LHPP: variants seen among roughly 807,000 people sequenced by gnomAD.
LHPP encodes the protein hLHPP.
Under a neutral mutation model 30.3 loss-of-function variants are expected in LHPP, and 24 were observed. The ratio of observed to expected loss-of-function variants is 0.79; its 90% CI spans 0.57 to 1.11. The LOEUF (loss-of-function observed/expected upper bound fraction) is 1.11. Ranked by LOEUF, LHPP falls within the 50% of genes most tolerant of loss-of-function variation. The pLI is 0.00. For synonymous variants in LHPP, 150 were observed against 157.1 expected, an observed-to-expected ratio of 0.95 and a Z score of 0.34; for missense variants, 356 against 367.2, an observed-to-expected ratio of 0.97 and a Z score of 0.25.
In LHPP at chr10:124,488,089, T is replaced by C. The variant is rs534191476; in HGVS notation, c.314-333T>C. On this transcript the variant is annotated intron_variant, in intron 2 of 6. Transcript: ENST00000368842. ...CCTGCTGCAGGCTCTCAGTGTCTTC[T>C]GAGCAGATTTCCCTTCTCAGTAGCA... Among the ~76,000 whole-genome samples, 47 of 152,294 alleles carry C rather than the reference T, an allele frequency of 3.1e-4. 1 individual carries two copies. The highest frequency in any genetic ancestry group is 6.8e-3 in the Middle Eastern group (2 of 294).
intron 6 of LHPP, among the ~76,000 whole-genome samples, chr10:124,603,927 A>G (rs1949060771): frequency 6.6e-6 from 1 of 152,186 alleles, no homozygotes; most frequent in African/African-American, 2.4e-5. Flanking sequence ...TCCCCCAGGC[A>G]GCTGCTAAGG....
chr10:124,557,689 C>T (rs1489343281), intron 6 of LHPP, among the ~76,000 whole-genome samples: 1 of 152,130 alleles, frequency 6.6e-6, no homozygotes, highest in East Asian at 1.9e-4. Flanking sequence ...TGTGGTTACC[C>T]TGCTGGTGGG....
At chr10:124,583,640 C>T (rs949678877) in intron 6 of LHPP, among the ~76,000 whole-genome samples, 8 of 152,110 alleles carry the variant, frequency 5.3e-5, no homozygotes, top group South Asian at 2.1e-4. Flanking sequence ...TCTCACATGG[C>T]GAGAATGGGA....
chr10:124,586,642 C>G lies in LHPP; in HGVS notation c.717-26622C>G, dbSNP rs1010712304. Reference sequence around the variant, plus strand: ...AGGGGAAGTGAGATTTGAGCTGAGGCTTGAAAGAAAGGTGGACCGAGAGGA... The same window carrying G: ...AGGGGAAGTGAGATTTGAGCTGAGGGTTGAAAGAAAGGTGGACCGAGAGGA... On this transcript the variant is annotated intron_variant, in intron 6 of 6. Transcript: ENST00000368842. 3.3e-5 allele frequency among the ~76,000 whole-genome samples: 5 copies of G among 152,280 alleles called. No homozygotes were observed. In the South Asian group the frequency reaches 1.0e-3, roughly 32 times the overall value.
chr10:124,571,822 T>G (rs140590845), intron 6 of LHPP, among the ~76,000 whole-genome samples: 1 of 152,292 alleles, frequency 6.6e-6, no homozygotes, highest in East Asian at 1.9e-4. Context: ...CAGAGGAAGA[T>G]AGACAACATG....
chr10:124,545,871 T>C (rs948772930), intron 6 of LHPP: 3 of 152,218 alleles, frequency 2.0e-5, no homozygotes, highest in African/African-American at 7.2e-5. Flanking sequence ...TGCAGCGCTT[T>C]TGCTGTCATT....
At position 124,496,333 on chromosome 10, in the gene LHPP, C is replaced by T. The variant is rs961525465; in HGVS notation, c.468-628C>T. On this transcript the variant is annotated intron_variant, in intron 3 of 6. Transcript: ENST00000368842. This position sits in a 1 kb window ranked among gnomAD's most constrained non-coding sequence, Gnocchi z 4.3. ...AGCCAGCCACCAAGCCAGCCCTGGG[C>T]TCAAAGAGCAGTGAGGCCATTTTGA... Among the ~76,000 whole-genome samples, 3 of 152,104 alleles carry T rather than the reference C, an allele frequency of 2.0e-5. No individual in the cohort carries two copies. The highest frequency in any genetic ancestry group is 7.2e-5 in the African/African-American group (3 of 41,418).
chr10:124,477,647 G>A (rs1952993163), intron 1 of LHPP, among the ~76,000 whole-genome samples: 1 of 152,166 alleles, frequency 6.6e-6, no homozygotes, highest in African/African-American at 2.4e-5. Flanking sequence ...GCTGGGTACT[G>A]GGTACTGTGC....
chr10:124,560,325 C>T (rs994004123), intron 6 of LHPP, among the ~76,000 whole-genome samples: 1 of 152,292 alleles, frequency 6.6e-6, no homozygotes, highest in South Asian at 2.1e-4. Context: ...ATTTCCTTCC[C>T]GTCTCCTCCA....
chr10:124,465,228 G>C (rs1317312674), intron 1 of LHPP, among the ~76,000 whole-genome samples: 1 of 152,056 alleles, frequency 6.6e-6, no homozygotes, highest in African/African-American at 2.4e-5. Flanking sequence ...AGAAGGAATG[G>C]TAGCTGCAAA....
intron 1 of LHPP, among the ~76,000 whole-genome samples, chr10:124,470,312 T>G (rs1304146666): frequency 6.6e-6 from 1 of 151,792 alleles, no homozygotes; most frequent in African/African-American, 2.4e-5. Context: ...CGGCTCGGCG[T>G]TTTTGGAGCC....
Position 124,499,158 on chromosome 10 carries a change from G to A in LHPP, c.624+1030G>A, listed in dbSNP as rs112411137. Among the ~76,000 whole-genome samples, 7 of 151,862 alleles carry A rather than the reference G, an allele frequency of 4.6e-5. 1 individual carries two copies. The South Asian group carries it at 8.3e-4, about 18-fold the overall frequency. On this transcript the variant is annotated intron_variant, in intron 5 of 6. Transcript: ENST00000368842. ...GCCTCTCAAAGTGCTGGGATTACAG[G>A]TGTGAGCCACCATGCCCAGCCCCGG...
Position 124,613,910 on chromosome 10 carries a change from C to A in LHPP, c.*550C>A, listed in dbSNP as rs768945208. On this transcript the variant is annotated 3_prime_UTR_variant, in exon 7 of 7. Coordinates refer to ENST00000368842, the MANE Select transcript of LHPP (RefSeq NM_022126.4). ...ACTGCCCACCACCCCACCCCCGAAA[C>A]AATGCCAGCCCGCTGCTTTTTCTAT... is the stretch of plus-strand genomic sequence containing the variant. 23 of 154,094 alleles carry A rather than the reference C, an allele frequency of 1.5e-4. No individual in the cohort carries two copies. Among genetic ancestry groups the A allele is most frequent in the Non-Finnish European group, 2.7e-4 (19 of 69,394 alleles). The allele number at this position is 154,094 out of a possible 1,614,324, so 9.5% of individuals were successfully genotyped here. A position where few individuals can be genotyped will look rare whatever the true frequency, so the allele number is the denominator to read the frequency against.
In LHPP at chr10:124,541,254, G is replaced by A. The variant is rs1455697943; in HGVS notation, c.716+23983G>A. ...TGTGCTTGGGGGACACAGCCGACAC[G>A]ACCAGCCTGCAGTACCAGGATAGAC... On this transcript the variant is annotated intron_variant, in intron 6 of 6. Transcript: ENST00000368842. This position sits in a 1 kb window ranked among gnomAD's most constrained non-coding sequence, Gnocchi z 4.2. Among the ~76,000 whole-genome samples the A allele has an allele frequency of 1.3e-5, 2 of 152,210 alleles. No individual in the cohort carries two copies. Among genetic ancestry groups the A allele is most frequent in the Non-Finnish European group, 2.9e-5 (2 of 68,034 alleles).
intron 1 of LHPP, among the ~76,000 whole-genome samples, chr10:124,472,185 C>T (rs1188166413): frequency 3.3e-5 from 5 of 150,938 alleles, no homozygotes; most frequent in African/African-American, 4.8e-5. Flanking sequence ...TGGTGTTGTG[C>T]GCCTGTAATC....
At chr10:124,555,810 T>A (rs1948288672) in intron 6 of LHPP, among the ~76,000 whole-genome samples, 2 of 152,202 alleles carry the variant, frequency 1.3e-5, no homozygotes, top group Non-Finnish European at 2.9e-5. Context: ...ACCACTGACA[T>A]TATTGAGCTC....
intron 2 of LHPP, among the ~76,000 whole-genome samples, chr10:124,487,184 T>C (rs958822541): frequency 6.6e-6 from 1 of 152,260 alleles, no homozygotes; most frequent in Non-Finnish European, 1.5e-5. Context: ...TGAGCAAATC[T>C]GCTATGAACA....
At chr10:124,599,966 C>A (rs1279412021) in intron 6 of LHPP, among the ~76,000 whole-genome samples, 2 of 152,300 alleles carry the variant, frequency 1.3e-5, no homozygotes, top group South Asian at 4.1e-4. Context: ...TCCTGAAGAC[C>A]ACAGGGCAGG....
intron 1 of LHPP, among the ~76,000 whole-genome samples, chr10:124,467,507 T>C (rs977537427): frequency 6.6e-6 from 1 of 150,820 alleles, no homozygotes; most frequent in Non-Finnish European, 1.5e-5. Flanking sequence ...AAGACCACTT[T>C]CTTTTCTTTT....
Sources: allele counts gnomAD v4.1 joint callset (sites outside exome capture counted in the v4.1 genomes callset), GRCh38; gene constraint gnomAD v4.1.1; non-coding constraint Gnocchi (gnomAD v3.1); transcripts MANE v1.5; gene names NCBI Gene and HGNC (gene_info 2026-07-23, HGNC 2026-07-21).